The following RSPH14 variants were observed in gnomAD, a reference collection of about 807,000 sequenced individuals.
The protein encoded by RSPH14 is rhabdoid tumor deletion region gene 1.
A neutral mutation model predicts 26.7 loss-of-function variants in RSPH14; 20 were observed. That is an observed-to-expected ratio of 0.75 (90% CI 0.53 to 1.09). The LOEUF (loss-of-function observed/expected upper bound fraction) is 1.09. Among genes scored for constraint, RSPH14 ranks in the 50% least tolerant of loss-of-function variants. The pLI, the probability that RSPH14 is intolerant of heterozygous loss-of-function variation, is 0.00. For missense variants in RSPH14, 449 were observed against 457.2 expected, an observed-to-expected ratio of 0.98 and a Z score of 0.16; for synonymous variants, 177 against 189.3, an observed-to-expected ratio of 0.93 and a Z score of 0.53.
intron 4 of RSPH14, among the ~76,000 whole-genome samples, chr22:23,091,051 G>C (rs1019444308): frequency 1.3e-5 from 2 of 152,190 alleles, no homozygotes; most frequent in Non-Finnish European, 2.9e-5. Flanking sequence ...TCTGCTCCCA[G>C]GATGCCACAT....
intron 4 of RSPH14, among the ~76,000 whole-genome samples, chr22:23,092,232 G>A (rs2069000046): frequency 2.0e-5 from 3 of 152,220 alleles, no homozygotes; most frequent in Admixed American, 2.0e-4. Context: ...AGAGAGGGCT[G>A]GCTAGAGCCT....
chr22:23,109,033 T>C (rs949087996), intron 4 of RSPH14, among the ~76,000 whole-genome samples: 3 of 152,238 alleles, frequency 2.0e-5, no homozygotes, highest in Non-Finnish European at 4.4e-5. Flanking sequence ...CTCAGCTCCA[T>C]ATCCGATGTG....
At chr22:23,078,458 C>T (rs981638710) in intron 4 of RSPH14, among the ~76,000 whole-genome samples, 31 of 151,822 alleles carry the variant, frequency 2.0e-4, no homozygotes, top group African/African-American at 5.3e-4. Context: ...CCACCTCCTC[C>T]AAGGAGTCTC....
the RSPH14 span, among the ~76,000 whole-genome samples, chr22:23,167,619 C>T: frequency 6.6e-6 from 1 of 152,184 alleles, no homozygotes; most frequent in African/African-American, 2.4e-5. Flanking sequence ...ACTCAGGTCA[C>T]CTACAATCTA....
chr22:23,161,913 A>G, the RSPH14 span: 18 of 278,832 alleles, frequency 6.5e-5, no homozygotes, highest in East Asian at 5.9e-4. Context: ...GCGTCGGTCT[A>G]TACTACTCGG....
the RSPH14 span, among the ~76,000 whole-genome samples, chr22:23,172,938 A>G: frequency 2.0e-5 from 3 of 151,144 alleles, no homozygotes; most frequent in African/African-American, 7.3e-5. Flanking sequence ...GTACAGAACG[A>G]GACTGCATCT....
At chr22:23,151,439 AAGGTGACCTGCAGCCCAGGTCACC>A in the RSPH14 span, among the ~76,000 whole-genome samples, 1 of 152,212 alleles carries the variant, frequency 6.6e-6, no homozygotes, top group Non-Finnish European at 1.5e-5. Flanking sequence ...CGGACCTGGC[AAGGTGACCTGCAGCCCAGGTCACC>A]AGGTGACACA....
intron 4 of RSPH14, among the ~76,000 whole-genome samples, chr22:23,074,886 G>A (rs908791439): frequency 5.9e-5 from 9 of 152,120 alleles, no homozygotes; most frequent in Non-Finnish European, 1.3e-4. Flanking sequence ...AAATTATTAA[G>A]GGCCTGACAT....
At chr22:23,128,939 T>C (rs113976135) in intron 4 of RSPH14, among the ~76,000 whole-genome samples, 9 of 152,138 alleles carry the variant, frequency 5.9e-5, no homozygotes, top group Non-Finnish European at 7.4e-5. Context: ...TGGCCACTGA[T>C]AGGAAACCAT....
At chr22:23,179,667 C>T in the RSPH14 span, 1 of 157,078 alleles carries the variant, frequency 6.4e-6, no homozygotes, top group African/African-American at 2.4e-5. Flanking sequence ...AGGGAGAAAT[C>T]CCTATTTATC....
chr22:23,117,113 C>G (rs1426678233), intron 4 of RSPH14, among the ~76,000 whole-genome samples: 1 of 152,142 alleles, frequency 6.6e-6, no homozygotes, highest in African/African-American at 2.4e-5. Context: ...AGGCAGCCCT[C>G]CCATGACCCA....
chr22:23,136,356 G>A (rs1271302463), intron 3 of RSPH14: 1 of 667,860 alleles, frequency 1.5e-6, no homozygotes, highest in Non-Finnish European at 2.8e-6. Flanking sequence ...GTTTCAACCT[G>A]GGCAGTTCAG....
At chr22:23,158,532 C>G in the RSPH14 span, among the ~76,000 whole-genome samples, 10 of 152,232 alleles carry the variant, frequency 6.6e-5, no homozygotes, top group Non-Finnish European at 1.3e-4. Context: ...AGCCCTCTCA[C>G]CTTACCTTGG....
At chr22:23,138,474 T>C (rs1407258342) in intron 3 of RSPH14, among the ~76,000 whole-genome samples, 1 of 151,938 alleles carries the variant, frequency 6.6e-6, no homozygotes, top group Admixed American at 6.6e-5. Flanking sequence ...GGCACAAGAA[T>C]TGCTTGAACC....
chr22:23,101,461 G>A (rs1340110349), intron 4 of RSPH14, among the ~76,000 whole-genome samples: 2 of 152,162 alleles, frequency 1.3e-5, no homozygotes, highest in Admixed American at 6.5e-5. Flanking sequence ...CTTGGGAGAG[G>A]TGAGTGGCTG....
intron 4 of RSPH14, among the ~76,000 whole-genome samples, chr22:23,130,075 GAAAGAAAGGAAGA>G (rs2070285664): frequency 3.5e-5 from 1 of 28,592 alleles, no homozygotes; most frequent in African/African-American, 2.1e-4. Context: ...AAGAAAGAAA[GAAAGAAAGGAAGA>G]AAGAAAGAAA....
chr22:23,110,852 C>T (rs1254581104), intron 4 of RSPH14, among the ~76,000 whole-genome samples: 3 of 152,182 alleles, frequency 2.0e-5, no homozygotes, highest in African/African-American at 7.2e-5. Flanking sequence ...AAGGGCCCAC[C>T]ACACTCTGAG....
At chr22:23,152,676 G>A in the RSPH14 span, 7 of 780,676 alleles carry the variant, frequency 9.0e-6, no homozygotes, top group African/African-American at 1.0e-4. Flanking sequence ...CGGATAAGAG[G>A]GGGTGCAAGA....
intron 4 of RSPH14, among the ~76,000 whole-genome samples, chr22:23,121,804 C>T (rs2070036286): frequency 6.6e-6 from 1 of 151,676 alleles, no homozygotes; most frequent in Admixed American, 6.6e-5. Context: ...TCACTGCAAC[C>T]TCCACCTCCC....
Sources: allele counts gnomAD v4.1 joint callset (sites outside exome capture counted in the v4.1 genomes callset), GRCh38; gene constraint gnomAD v4.1.1; transcripts MANE v1.5; gene names NCBI Gene and HGNC (gene_info 2026-07-23, HGNC 2026-07-21).